The following PHF21A variants were observed in gnomAD, a reference collection of about 807,000 sequenced individuals.
PHF21A encodes BHC80a.
A neutral mutation model predicts 82.5 loss-of-function variants in PHF21A; 11 were observed. That is an observed-to-expected ratio of 0.13 (90% CI 0.08 to 0.22). The LOEUF is 0.22. PHF21A is among the 10% of genes least tolerant of loss of function. The pLI, the probability that PHF21A is intolerant of heterozygous loss-of-function variation, is 1.00. For synonymous variants in PHF21A, 297 were observed against 302.8 expected, an observed-to-expected ratio of 0.98 and a Z score of 0.20; for missense variants, 579 against 837.8, an observed-to-expected ratio of 0.69 and a Z score of 3.81.
chr11:45,973,495 TG>T (rs1394885706), intron 7 of PHF21A, among the ~76,000 whole-genome samples: 2 of 152,240 alleles, frequency 1.3e-5, no homozygotes. Context: ...CTTCGCTAAG[TG>T]GCTTATTCTC....
chr11:46,041,885 A>T (rs1384548722), intron 6 of PHF21A, among the ~76,000 whole-genome samples: 2 of 152,142 alleles, frequency 1.3e-5, no homozygotes, highest in African/African-American at 4.8e-5. Flanking sequence ...TTTCTATTAC[A>T]AAAGGATCTT....
At chr11:45,943,394 G>A (rs967600418) in intron 15 of PHF21A, among the ~76,000 whole-genome samples, 1 of 151,880 alleles carries the variant, frequency 6.6e-6, no homozygotes, top group Non-Finnish European at 1.5e-5. Context: ...TGTCCAGGCT[G>A]GTCTTGAACT....
At chr11:45,961,129 G>A (rs1485926495) in intron 10 of PHF21A, among the ~76,000 whole-genome samples, 2 of 152,178 alleles carry the variant, frequency 1.3e-5, no homozygotes, top group Non-Finnish European at 2.9e-5. Flanking sequence ...AAAAAGTCCA[G>A]TTGTTTACTC....
intron 1 of PHF21A, among the ~76,000 whole-genome samples, chr11:46,119,486 A>G (rs1207544611): frequency 1.3e-5 from 2 of 152,212 alleles, no homozygotes; most frequent in African/African-American, 4.8e-5. Flanking sequence ...TATGACCGGA[A>G]TATGATGACA....
At chr11:45,956,406 G>A (rs1288099776) in intron 10 of PHF21A, among the ~76,000 whole-genome samples, 2 of 152,124 alleles carry the variant, frequency 1.3e-5, no homozygotes, top group Non-Finnish European at 2.9e-5. Flanking sequence ...ACATAAAGGA[G>A]GGGCAGAGCT....
chr11:46,119,122 A>AAC (rs5791717), intron 1 of PHF21A, among the ~76,000 whole-genome samples: 8 of 151,312 alleles, frequency 5.3e-5, no homozygotes, highest in African/African-American at 1.9e-4. Context: ...AAAAAAAAAA[A>AAC]ACTTTCATCA....
intron 6 of PHF21A, among the ~76,000 whole-genome samples, chr11:46,030,328 T>C (rs2138261321): frequency 6.6e-6 from 1 of 152,368 alleles, no homozygotes; most frequent in East Asian, 1.9e-4. Context: ...CAATCAAGAA[T>C]GCTTCTTTCA....
chr11:45,943,981 T>C (rs1030493751), intron 15 of PHF21A, among the ~76,000 whole-genome samples: 1 of 152,124 alleles, frequency 6.6e-6, no homozygotes, highest in Admixed American at 6.5e-5. Flanking sequence ...AAAACGTCAA[T>C]GTTATGAAAG....
chr11:45,995,549 G>A (rs1001507545), intron 6 of PHF21A, among the ~76,000 whole-genome samples: 5 of 152,230 alleles, frequency 3.3e-5, no homozygotes, highest in African/African-American at 1.2e-4. Flanking sequence ...GAGTGAGATA[G>A]AGTGGTTGAG....
chr11:45,968,264 C>G (rs2093566104), intron 9 of PHF21A, among the ~76,000 whole-genome samples: 1 of 152,210 alleles, frequency 6.6e-6, no homozygotes, highest in Admixed American at 6.5e-5. Context: ...ATAAATCTGA[C>G]CACATCAAGT....
chr11:45,940,915 G>GC (rs956663434), intron 15 of PHF21A, among the ~76,000 whole-genome samples: 1 of 152,176 alleles, frequency 6.6e-6, no homozygotes, highest in African/African-American at 2.4e-5. Flanking sequence ...TCAAGAAACA[G>GC]AAGGCAGAAA....
chr11:45,950,375 C>A, intron 11 of PHF21A, 118 bp from the exon 12 acceptor site: 1 of 672,696 alleles, frequency 1.5e-6, no homozygotes, highest in Non-Finnish European at 2.6e-6. Flanking sequence ...CATGAATGCA[C>A]AAGAGCAGGC....
chr11:46,090,220 A>T (rs1020162645), intron 3 of PHF21A, among the ~76,000 whole-genome samples: 2 of 152,124 alleles, frequency 1.3e-5, no homozygotes, highest in Non-Finnish European at 2.9e-5. Context: ...TAGTTGTCAC[A>T]TTTACCAGAA....
chr11:45,956,478 TTTA>T (rs968842285), intron 10 of PHF21A, among the ~76,000 whole-genome samples: 42 of 152,162 alleles, frequency 2.8e-4, no homozygotes, highest in Admixed American at 2.7e-3. Context: ...TATTTATTTA[TTTA>T]TTTTTATTTT....
At chr11:45,962,053 C>T (rs1359612291) in intron 10 of PHF21A, among the ~76,000 whole-genome samples, 1 of 152,148 alleles carries the variant, frequency 6.6e-6, no homozygotes, top group Non-Finnish European at 1.5e-5. Flanking sequence ...ATTCCTATGC[C>T]AATGTGGGAG....
intron 1 of PHF21A, among the ~76,000 whole-genome samples, chr11:46,112,773 C>A (rs2136053880): frequency 6.6e-6 from 1 of 152,202 alleles, no homozygotes; most frequent in South Asian, 2.1e-4. Context: ...AAAGGAACAG[C>A]ATATATATCA....
chr11:45,935,045 G>C, intron 18 of PHF21A: 1 of 1,140,758 alleles, frequency 8.8e-7, no homozygotes, highest in South Asian at 1.3e-5. Context: ...CTCCTTGCCT[G>C]GGAGAAGCCT....
intron 6 of PHF21A, among the ~76,000 whole-genome samples, chr11:45,996,311 G>C (rs1009374551): frequency 1.3e-5 from 2 of 152,172 alleles, no homozygotes; most frequent in African/African-American, 4.8e-5. Flanking sequence ...CTTACAGGTT[G>C]ACACATTATA....
chr11:46,101,860 T>C (rs1593247499), intron 1 of PHF21A, among the ~76,000 whole-genome samples: 4 of 138,798 alleles, frequency 2.9e-5, no homozygotes, highest in African/African-American at 1.0e-4. Flanking sequence ...GGTCTCCCTC[T>C]TTTTTTTTTT....
Sources: gnomAD v4.1 joint callset for allele counts (sites outside exome capture counted in the v4.1 genomes callset) on GRCh38, gnomAD v4.1.1 for gene constraint, MANE v1.5 for transcripts, NCBI Gene and HGNC (gene_info 2026-07-23, HGNC 2026-07-21) for gene names.